Variants in SNTG1 observed in about 807,000 individuals in gnomAD.
SNTG1 encodes syntrophin gamma 1.
Under a neutral mutation model 74.7 loss-of-function variants are expected in SNTG1, and 39 were observed. The observed-to-expected ratio is 0.52, with a 90% confidence interval of 0.40 to 0.68. The LOEUF is 0.68. Among genes scored for constraint, SNTG1 ranks in the 30% least tolerant of loss-of-function variants. The pLI is 0.00. For missense variants in SNTG1, 685 were observed against 609.5 expected, an observed-to-expected ratio of 1.12 and a Z score of -1.30; for synonymous variants, 254 against 217.1, an observed-to-expected ratio of 1.17 and a Z score of -1.49.
At chr8:50,173,060 G>A (rs1204710084) in intron 2 of SNTG1, among the ~76,000 whole-genome samples, 1 of 152,138 alleles carries the variant, frequency 6.6e-6, no homozygotes, top group Non-Finnish European at 1.5e-5. Flanking sequence ...TTCTGAGAAG[G>A]GCAGACACTC....
chr8:50,444,080 G>T (rs2093383326), intron 5 of SNTG1, among the ~76,000 whole-genome samples: 1 of 152,176 alleles, frequency 6.6e-6, no homozygotes, highest in African/African-American at 2.4e-5. Context: ...AGAGGTCGCA[G>T]TGAGCTGAGA....
At chr8:50,762,303 A>C (rs1350476542) in intron 18 of SNTG1, among the ~76,000 whole-genome samples, 1 of 151,998 alleles carries the variant, frequency 6.6e-6, no homozygotes, top group East Asian at 1.9e-4. Flanking sequence ...TTACTATTAA[A>C]ATTCAAAAAC....
At chr8:50,176,668 C>T (rs1199086500) in intron 2 of SNTG1, among the ~76,000 whole-genome samples, 4 of 152,132 alleles carry the variant, frequency 2.6e-5, no homozygotes, top group Non-Finnish European at 5.9e-5. Context: ...GTAGTTTCTC[C>T]TTGTGATCTC....
intron 2 of SNTG1, among the ~76,000 whole-genome samples, chr8:50,306,923 T>C (rs969417573): frequency 2.0e-5 from 3 of 152,034 alleles, no homozygotes; most frequent in African/African-American, 7.2e-5. Context: ...TGTATTTACT[T>C]TTGAGGTTTT....
intron 13 of SNTG1, among the ~76,000 whole-genome samples, chr8:50,645,532 G>A (rs943639341): frequency 1.3e-5 from 2 of 151,820 alleles, no homozygotes; most frequent in African/African-American, 4.8e-5. Context: ...ATAAATTTTG[G>A]TTCAAGAAAA....
At chr8:49,929,592 C>A (rs1215583619) in intron 1 of SNTG1, among the ~76,000 whole-genome samples, 2 of 152,200 alleles carry the variant, frequency 1.3e-5, no homozygotes, top group Non-Finnish European at 2.9e-5. Flanking sequence ...CCCCTCCCAT[C>A]CCAGCCTGTG....
intron 2 of SNTG1, among the ~76,000 whole-genome samples, chr8:50,348,688 T>A (rs1222068544): frequency 6.6e-6 from 1 of 152,240 alleles, no homozygotes; most frequent in Non-Finnish European, 1.5e-5. Context: ...CTTGCAAGCA[T>A]ATGACCCATA....
rs151087004 is a variant in SNTG1 at position 50,582,143 on chromosome 8, T to C, written c.811-8736T>C. Among the ~76,000 whole-genome samples the C allele has an allele frequency of 4.5e-3, 686 of 152,286 alleles. 5 individuals are homozygous for C. The highest frequency in any genetic ancestry group is 0.015 in the African/African-American group (640 of 41,568). Reference sequence around the variant, plus strand: ...CAAGAACTTAGAGGGTTTTTGGTTGTTTGATTTTGTTTGTTTGATTGCTTG... The same window carrying C: ...CAAGAACTTAGAGGGTTTTTGGTTGCTTGATTTTGTTTGTTTGATTGCTTG... On this transcript the variant is annotated intron_variant, in intron 12 of 18. Coordinates refer to ENST00000642720, the MANE Select transcript of SNTG1 (RefSeq NM_018967.5).
chr8:50,196,765 T>C (rs565911422), intron 2 of SNTG1, among the ~76,000 whole-genome samples: 86 of 148,478 alleles, frequency 5.8e-4, no homozygotes, highest in African/African-American at 2.0e-3. Flanking sequence ...GAGATTAGCC[T>C]GGCCAACAAG....
chr8:50,665,364 A>G (rs2095245721), intron 15 of SNTG1, among the ~76,000 whole-genome samples: 1 of 152,086 alleles, frequency 6.6e-6, no homozygotes, highest in Admixed American at 6.6e-5. Context: ...GTATTGGATT[A>G]CAATTAGAAA....
chr8:50,091,237 G>A (rs994853852), intron 1 of SNTG1, among the ~76,000 whole-genome samples: 6 of 152,014 alleles, frequency 3.9e-5, no homozygotes, highest in African/African-American at 7.2e-5. Flanking sequence ...GATTACTACA[G>A]TCAAGGAAAT....
chr8:50,476,583 G>A (rs1453855619), intron 8 of SNTG1, among the ~76,000 whole-genome samples: 1 of 152,132 alleles, frequency 6.6e-6, no homozygotes, highest in African/African-American at 2.4e-5. Flanking sequence ...GGATACAGTT[G>A]GGGATGTCCT....
At chr8:50,468,084 A>T (rs951691616) in intron 8 of SNTG1, among the ~76,000 whole-genome samples, 5 of 151,794 alleles carry the variant, frequency 3.3e-5, no homozygotes, top group African/African-American at 1.2e-4. Flanking sequence ...AATTTTCCAT[A>T]TAAGCTTGAA....
At chr8:49,965,184 A>AT (rs1363797525) in intron 1 of SNTG1, among the ~76,000 whole-genome samples, 4 of 152,084 alleles carry the variant, frequency 2.6e-5, no homozygotes, top group East Asian at 1.9e-4. Context: ...GCTTATACCT[A>AT]TGAGGGTGAT....
intron 13 of SNTG1, among the ~76,000 whole-genome samples, chr8:50,624,403 C>G (rs1163909052): frequency 1.3e-5 from 2 of 151,626 alleles, no homozygotes; most frequent in African/African-American, 2.4e-5. Context: ...AGAGTTTTAT[C>G]TGCTCATATG....
At chr8:50,221,896 A>G (rs2085089331) in intron 2 of SNTG1, among the ~76,000 whole-genome samples, 1 of 152,212 alleles carries the variant, frequency 6.6e-6, no homozygotes, top group Non-Finnish European at 1.5e-5. Flanking sequence ...ATGGGAGACC[A>G]GAGTTTTATT....
intron 18 of SNTG1, among the ~76,000 whole-genome samples, chr8:50,789,904 G>A (rs879690917): frequency 6.6e-6 from 1 of 151,936 alleles, no homozygotes; most frequent in Non-Finnish European, 1.5e-5. Flanking sequence ...TGTCTGCCAA[G>A]TACTTCTTAA....
At chr8:50,534,429 C>T (rs1418848560) in intron 10 of SNTG1, among the ~76,000 whole-genome samples, 1 of 152,106 alleles carries the variant, frequency 6.6e-6, no homozygotes, top group African/African-American at 2.4e-5. Flanking sequence ...AAGCCTGCCA[C>T]ACAGTATTAT....
chr8:49,919,697 T>C (rs558814554), intron 1 of SNTG1, among the ~76,000 whole-genome samples: 66 of 152,202 alleles, frequency 4.3e-4, no homozygotes, highest in African/African-American at 1.5e-3. Flanking sequence ...TAAAAAATCA[T>C]TGGGGATAAA....
Sources: allele counts gnomAD v4.1 joint callset (sites outside exome capture counted in the v4.1 genomes callset), GRCh38; gene constraint gnomAD v4.1.1; transcripts MANE v1.5; gene names NCBI Gene and HGNC (gene_info 2026-07-23, HGNC 2026-07-21).